Variants in C4orf36 observed in about 807,000 individuals in gnomAD.
C4orf36 encodes the protein uncharacterized protein C4orf36.
In C4orf36, 11 loss-of-function variants were observed where a neutral mutation model predicts 12.2. The ratio of observed to expected loss-of-function variants is 0.90; its 90% CI spans 0.57 to 1.49. The LOEUF is 1.49. Among genes scored for constraint, C4orf36 ranks in the 40% most tolerant of loss-of-function variants. The pLI, the probability that C4orf36 is intolerant of heterozygous loss-of-function variation, is 0.00. For missense variants in C4orf36, 137 were observed against 133.9 expected, an observed-to-expected ratio of 1.02 and a Z score of -0.11; for synonymous variants, 54 against 51.3, an observed-to-expected ratio of 1.05 and a Z score of -0.22.
At chr4:86,909,765 A>G in the C4orf36 span, among the ~76,000 whole-genome samples, 1 of 152,126 alleles carries the variant, frequency 6.6e-6, no homozygotes, top group African/African-American at 2.4e-5. Flanking sequence ...CAAGACTTAC[A>G]GTAAATAAAA....
Position 86,876,356 on chromosome 4 carries a change from C to T in C4orf36, c.*90G>A, listed in dbSNP as rs1303973123. 8 of 1,572,646 alleles carry T rather than the reference C, an allele frequency of 5.1e-6. No individual in the cohort carries two copies. In the African/African-American group the frequency reaches 6.8e-5, roughly 13 times the overall value. ...AGGATGGCTGCAGCGCAGCGACGGC[C>T]GGGGCCGGGAGCGGGTCCTGGGCGG... On this transcript the variant is annotated 3_prime_UTR_variant, in exon 5 of 5. Transcript: ENST00000295898.
the C4orf36 span, chr4:86,935,017 C>G: frequency 6.6e-6 from 1 of 151,994 alleles, no homozygotes; most frequent in Non-Finnish European, 1.5e-5. Context: ...TGCCAGCCAG[C>G]TAGCGAGCGA....
chr4:86,894,064 T>C (rs1421914477), upstream of C4orf36, among the ~76,000 whole-genome samples: 2 of 151,704 alleles, frequency 1.3e-5, no homozygotes, highest in Non-Finnish European at 1.5e-5. Flanking sequence ...GCCCAGCTGA[T>C]TTTTTTGTAT....
chr4:86,895,957 A>G (rs915364120), upstream of C4orf36, among the ~76,000 whole-genome samples: 3 of 152,220 alleles, frequency 2.0e-5, no homozygotes, highest in Non-Finnish European at 4.4e-5. Context: ...AAAGCACAAG[A>G]AGGAATGCAA....
chr4:86,890,881 A>G (rs1747380624), intron 2 of C4orf36, among the ~76,000 whole-genome samples: 1 of 152,364 alleles, frequency 6.6e-6, no homozygotes, highest in African/African-American at 2.4e-5. Flanking sequence ...TGCATCTTGC[A>G]GATGCAGAGA....
the C4orf36 span, chr4:86,914,501 A>C: frequency 2.1e-6 from 1 of 480,306 alleles, no homozygotes. Flanking sequence ...CTTGGGTACC[A>C]GCAATTCTCC....
the C4orf36 span, among the ~76,000 whole-genome samples, chr4:86,897,764 G>A: frequency 6.6e-6 from 1 of 151,608 alleles, no homozygotes; most frequent in South Asian, 2.1e-4. Flanking sequence ...GATATAGCAT[G>A]TGATTTACAG....
rs1747454858 is a variant in C4orf36, at chr4:86,892,316, G to A, written c.-207C>T. ...AGGGGCTCGGAGGGTCGCGGCCGGGGTACTGAGGTAAGAGCGCGCTGCGCT... is the reference window on the plus strand; with the variant it reads ...AGGGGCTCGGAGGGTCGCGGCCGGGATACTGAGGTAAGAGCGCGCTGCGCT... On this transcript the variant is annotated 5_prime_UTR_variant, in exon 1 of 5. Coordinates refer to ENST00000295898, the MANE Select transcript of C4orf36 (RefSeq NM_144645.4). The A allele has an allele frequency of 5.1e-6, 5 of 985,460 alleles. No individual in the cohort carries two copies. Among genetic ancestry groups the A allele is most frequent in the African/African-American group, 3.5e-5 (2 of 57,258 alleles). The allele number at this position is 985,460 out of a possible 1,614,324, so 61.0% of individuals were successfully genotyped here.
At chr4:86,927,695 G>T in the C4orf36 span, among the ~76,000 whole-genome samples, 1 of 152,100 alleles carries the variant, frequency 6.6e-6, no homozygotes, top group Non-Finnish European at 1.5e-5. Context: ...AGCTACTCAG[G>T]AGGCTGAGGT....
At chr4:86,887,559 T>G (rs1199015419) in intron 4 of C4orf36, 199 bp downstream of exon 4, 1 of 496,768 alleles carries the variant, frequency 2.0e-6, no homozygotes, top group East Asian at 3.1e-5. Flanking sequence ...AGTGCTGTCG[T>G]TTGTGACACA....
chr4:86,893,972 C>T (rs898676742), upstream of C4orf36, among the ~76,000 whole-genome samples: 4 of 152,062 alleles, frequency 2.6e-5, no homozygotes, highest in South Asian at 8.3e-4. Flanking sequence ...TCTCAGCTCA[C>T]TGCAAGCTCT....
At chr4:86,923,075 G>A in the C4orf36 span, among the ~76,000 whole-genome samples, 1 of 148,396 alleles carries the variant, frequency 6.7e-6, no homozygotes, top group Non-Finnish European at 1.5e-5. Flanking sequence ...GCTAGCCACT[G>A]CATCCAGCTG....
upstream of C4orf36, among the ~76,000 whole-genome samples, chr4:86,893,415 T>C (rs1747502465): frequency 6.6e-6 from 1 of 152,092 alleles, no homozygotes; most frequent in Non-Finnish European, 1.5e-5. Context: ...GGTGAAACCC[T>C]GTCTCTACTA....
chr4:86,876,536 G>C, intron 4 of C4orf36, 93 bp from the exon 5 acceptor site: 1 of 1,613,912 alleles, frequency 6.2e-7, no homozygotes, highest in Non-Finnish European at 8.5e-7. Flanking sequence ...ATTGTGTGAA[G>C]CTATTGTACA....
chr4:86,892,179 AC>A lies in C4orf36; in HGVS notation c.-74+3del, dbSNP rs1747446601. On this transcript the variant is annotated splice_donor_region_variant and intron_variant, in intron 1 of 4. Coordinates refer to ENST00000295898, the MANE Select transcript of C4orf36 (RefSeq NM_144645.4). ...ACGGCCTCAGCCTCGGCTCCTTCCC[AC>A]ACCTGGGCCCCACCCTGCCTCCGAC... is the stretch of plus-strand genomic sequence containing the variant. The A allele has an allele frequency of 1.0e-6, 1 of 985,162 alleles. No homozygotes were observed. Among genetic ancestry groups the A allele is most frequent in the South Asian group, 4.7e-5 (1 of 21,290 alleles). The allele number at this position is 985,162 out of a possible 1,614,324, so 61.0% of individuals were successfully genotyped here. A position where few individuals can be genotyped will look rare whatever the true frequency, so the allele number is the denominator to read the frequency against.
At chr4:86,876,539 A>T in intron 4 of C4orf36, 96 bp from the exon 5 acceptor site, 1 of 1,613,940 alleles carries the variant, frequency 6.2e-7, no homozygotes. Context: ...GTGTGAAGCT[A>T]TTGTACAGTT....
intron 4 of C4orf36, chr4:86,887,060 A>C (rs894929386): frequency 1.3e-5 from 2 of 151,990 alleles, no homozygotes; most frequent in African/African-American, 2.4e-5. Context: ...GAGAATTGAA[A>C]AATGAGAACA....
intron 4 of C4orf36, among the ~76,000 whole-genome samples, chr4:86,879,077 T>C (rs1746987293): frequency 2.0e-5 from 3 of 152,192 alleles, no homozygotes; most frequent in Non-Finnish European, 2.9e-5. Flanking sequence ...TGGGGGGTTT[T>C]GGTTTTTTTG....
the C4orf36 span, among the ~76,000 whole-genome samples, chr4:86,919,072 G>A: frequency 6.6e-6 from 1 of 151,744 alleles, no homozygotes; most frequent in South Asian, 2.1e-4. Context: ...CAGAGAGCCT[G>A]GAATTCTGAT....
Sources: allele counts gnomAD v4.1 joint callset (sites outside exome capture counted in the v4.1 genomes callset), GRCh38; gene constraint gnomAD v4.1.1; transcripts MANE v1.5; gene names NCBI Gene and HGNC (gene_info 2026-07-23, HGNC 2026-07-21).